The following DGKG variants were observed in gnomAD, a reference collection of about 807,000 sequenced individuals.
DGKG encodes the protein DAG kinase gamma.
In DGKG, 78 loss-of-function variants were observed where a neutral mutation model predicts 105.3. The observed-to-expected ratio is 0.74, with a 90% CI of 0.62 to 0.89. The LOEUF is 0.89. Among genes scored for constraint, DGKG ranks in the 40% least tolerant of loss-of-function variants. The pLI is 0.00. For synonymous variants in DGKG, 346 were observed against 367.1 expected, an observed-to-expected ratio of 0.94 and a Z score of 0.66; for missense variants, 958 against 1,020.1, an observed-to-expected ratio of 0.94 and a Z score of 0.83.
chr3:186,232,737 G>A (rs13098410), intron 20 of DGKG, among the ~76,000 whole-genome samples: 1 of 151,960 alleles, frequency 6.6e-6, no homozygotes, highest in Non-Finnish European at 1.5e-5. Context: ...ATTGAAAAAC[G>A]TTTAAACAAG....
chr3:186,337,440 G>A (rs1403175257), intron 1 of DGKG, among the ~76,000 whole-genome samples: 1 of 151,948 alleles, frequency 6.6e-6, no homozygotes, highest in Non-Finnish European at 1.5e-5. Context: ...AAACCTTTAA[G>A]CACATCAGAA....
intron 22 of DGKG, among the ~76,000 whole-genome samples, chr3:186,176,076 C>CAGGG (rs1258014664): frequency 1.3e-5 from 2 of 152,346 alleles, no homozygotes; most frequent in Non-Finnish European, 2.9e-5. Context: ...TACCCGAAGG[C>CAGGG]AGGGAGGTGA....
At chr3:186,343,342 G>C (rs1328502879) in intron 1 of DGKG, among the ~76,000 whole-genome samples, 1 of 152,098 alleles carries the variant, frequency 6.6e-6, no homozygotes, top group Non-Finnish European at 1.5e-5. Context: ...CCAGGCTGGA[G>C]TGCAGTAGCG....
chr3:186,273,159 G>C (rs546415590), intron 10 of DGKG, among the ~76,000 whole-genome samples: 3 of 152,142 alleles, frequency 2.0e-5, no homozygotes, highest in South Asian at 2.1e-4. Context: ...TCTTTGCAGG[G>C]ATTGTTGCAG....
chr3:186,346,610 A>G (rs1015817255), intron 1 of DGKG, among the ~76,000 whole-genome samples: 3 of 150,222 alleles, frequency 2.0e-5, no homozygotes, highest in African/African-American at 5.1e-5. Flanking sequence ...CACAGGTCTT[A>G]GACCTACATC....
In DGKG at chr3:186,188,360, TC is replaced by T. The variant is rs1717741164; in HGVS notation, c.1936del (p.Asp646ThrfsTer2). ...GCCTTCCAGGAAGATGTTGCTCAGG[TC>T]CACCCCAACCCCATCACACTGGAGG... ...IELECDGVGVDLSNIFLEGIA... is the reference protein window; with the variant it reads ...IELECDGVGVXLSNIFLEGIA... On this transcript the variant is annotated frameshift_variant, in exon 22 of 25. Transcript: ENST00000265022. LOFTEE classifies it high-confidence loss of function. 6.2e-7 allele frequency: 1 copy of T among 1,613,952 alleles called. No homozygotes were observed. The highest frequency in any genetic ancestry group is 1.1e-5 in the South Asian group (1 of 91,086).
At chr3:186,186,605 T>TAC (rs1717647983) in intron 22 of DGKG, among the ~76,000 whole-genome samples, 5 of 152,324 alleles carry the variant, frequency 3.3e-5, no homozygotes, top group Admixed American at 3.3e-4. Context: ...AGATATTGTT[T>TAC]TTACAGTAAA....
At chr3:186,261,637 G>A in intron 15 of DGKG, 62 bp downstream of exon 15, 6 of 1,190,678 alleles carry the variant, frequency 5.0e-6, no homozygotes, top group Non-Finnish European at 7.4e-6. Context: ...TCCTGCCAAG[G>A]GGAGGAAGGG....
chr3:186,186,468 C>T (rs1028175009), intron 22 of DGKG, among the ~76,000 whole-genome samples: 9 of 152,140 alleles, frequency 5.9e-5, no homozygotes, highest in African/African-American at 2.2e-4. Context: ...TTCCCAGGAA[C>T]CAGCACAGAG....
chr3:186,302,542 ATATATATATATATATACACATATG>A (rs1724019038), intron 3 of DGKG, among the ~76,000 whole-genome samples: 15 of 31,152 alleles, frequency 4.8e-4, no homozygotes, highest in Admixed American at 4.8e-3. Context: ...ACATATGTAT[ATATATATATATATATACACATATG>A]TATATATATA....
intron 1 of DGKG, among the ~76,000 whole-genome samples, chr3:186,353,867 T>A (rs180722713): frequency 6.6e-6 from 1 of 152,186 alleles, no homozygotes; most frequent in African/African-American, 2.4e-5. Flanking sequence ...ATGGTTTGCA[T>A]CATTTAGGGA....
intron 1 of DGKG, among the ~76,000 whole-genome samples, chr3:186,349,076 T>TA (rs577975218): frequency 2.5e-4 from 37 of 147,806 alleles, no homozygotes; most frequent in South Asian, 8.5e-4. Flanking sequence ...TAAATTAAAT[T>TA]AAAAAAAAAA....
intron 7 of DGKG, chr3:186,281,245 T>G (rs938713815): frequency 6.4e-6 from 1 of 155,086 alleles, no homozygotes; most frequent in Non-Finnish European, 1.4e-5. Context: ...TTCCTTTTGT[T>G]ATCTCCTCTG....
chr3:186,314,408 T>C (rs751036701), intron 2 of DGKG, among the ~76,000 whole-genome samples: 27 of 152,194 alleles, frequency 1.8e-4, no homozygotes, highest in Non-Finnish European at 3.4e-4. Context: ...CGTAGTAGTC[T>C]CAGTTTTAAA....
At chr3:186,160,209 G>A in intron 24 of DGKG, 4 of 985,412 alleles carry the variant, frequency 4.1e-6, no homozygotes, top group Non-Finnish European at 4.8e-6. Context: ...ATGGAGGAAG[G>A]GTGGGTGTGG....
intron 13 of DGKG, among the ~76,000 whole-genome samples, chr3:186,265,944 A>G (rs1722035090): frequency 6.6e-6 from 1 of 152,108 alleles, no homozygotes; most frequent in East Asian, 1.9e-4. Context: ...TGCTGGGATT[A>G]CAGGTGTAAG....
At chr3:186,155,873 CTG>C (rs1220466357) in intron 24 of DGKG, among the ~76,000 whole-genome samples, 1 of 152,168 alleles carries the variant, frequency 6.6e-6, no homozygotes, top group Non-Finnish European at 1.5e-5. Flanking sequence ...GCCTTTCTCA[CTG>C]TTTTAATTTG....
intron 20 of DGKG, among the ~76,000 whole-genome samples, chr3:186,233,149 A>G (rs571037881): frequency 3.3e-5 from 5 of 152,144 alleles, no homozygotes; most frequent in African/African-American, 1.2e-4. Flanking sequence ...TTAAGTTGCC[A>G]GTCAATTGAC....
chr3:186,198,556 G>A (rs552159500), intron 21 of DGKG, among the ~76,000 whole-genome samples: 1 of 152,194 alleles, frequency 6.6e-6, no homozygotes, highest in Non-Finnish European at 1.5e-5. Flanking sequence ...TGCTGTCAGT[G>A]CTTAACAGCA....
Sources: allele counts gnomAD v4.1 joint callset (sites outside exome capture counted in the v4.1 genomes callset), GRCh38; gene constraint gnomAD v4.1.1; transcripts MANE v1.5; gene names NCBI Gene and HGNC (gene_info 2026-07-23, HGNC 2026-07-21).